Variants in LARS2 observed in about 807,000 individuals in gnomAD.
The protein encoded by LARS2 is leucyl-tRNA synthetase 2, mitochondrial.
LARS2 carries 81 observed loss-of-function variants against 116.6 expected under a neutral mutation model. That is an observed-to-expected ratio of 0.69 (90% CI 0.58 to 0.84). LARS2 has a LOEUF of 0.84. Among genes scored for constraint, LARS2 ranks in the 40% least tolerant of loss-of-function variants. The pLI, the probability that LARS2 is intolerant of heterozygous loss-of-function variation, is 0.00. For missense variants in LARS2, 968 were observed against 1,114.5 expected (o/e 0.87, Z 1.87); for synonymous variants, 396 against 407.2 (o/e 0.97, Z 0.33).
intron 12 of LARS2, among the ~76,000 whole-genome samples, chr3:45,489,386 C>G (rs549269090): frequency 6.6e-6 from 1 of 152,262 alleles, no homozygotes; most frequent in South Asian, 2.1e-4. Context: ...GATTCTCAAA[C>G]TTGAGCACAC....
At chr3:45,533,458 T>C (rs190825251) in intron 20 of LARS2, among the ~76,000 whole-genome samples, 1 of 152,324 alleles carries the variant, frequency 6.6e-6, no homozygotes, top group East Asian at 1.9e-4. Flanking sequence ...ACATTAAGTC[T>C]TTTAAGTAGC....
chr3:45,506,323 G>A (rs1559491402), intron 15 of LARS2, among the ~76,000 whole-genome samples: 1 of 152,056 alleles, frequency 6.6e-6, no homozygotes, highest in Non-Finnish European at 1.5e-5. Flanking sequence ...TCTTAGAGGT[G>A]TATTGGTAAA....
intron 6 of LARS2, among the ~76,000 whole-genome samples, chr3:45,420,337 C>A (rs1698495248): frequency 6.6e-6 from 1 of 152,200 alleles, no homozygotes. Context: ...AAGGCCCACC[C>A]TTTAGACTTT....
chr3:45,470,076 A>T (rs1265655674), intron 8 of LARS2, among the ~76,000 whole-genome samples: 1 of 152,166 alleles, frequency 6.6e-6, no homozygotes, highest in East Asian at 1.9e-4. Context: ...CACTTGTTTT[A>T]CAGGGTCTGT....
intron 16 of LARS2, among the ~76,000 whole-genome samples, chr3:45,515,477 G>A (rs1372658818): frequency 6.6e-6 from 1 of 152,194 alleles, no homozygotes; most frequent in African/African-American, 2.4e-5. Context: ...TTGGCAACAA[G>A]GTCACCTCAT....
At chr3:45,526,593 G>A (rs983704990) in intron 20 of LARS2, among the ~76,000 whole-genome samples, 1 of 152,050 alleles carries the variant, frequency 6.6e-6, no homozygotes, top group African/African-American at 2.4e-5. Flanking sequence ...GCAGTTCTCA[G>A]GAACACAAGA....
At chr3:45,466,757 C>T (rs1382983042) in intron 8 of LARS2, among the ~76,000 whole-genome samples, 2 of 152,122 alleles carry the variant, frequency 1.3e-5, no homozygotes, top group Admixed American at 6.5e-5. Flanking sequence ...CACTCTGTCT[C>T]CCAGGCTGGA....
At chr3:45,516,069 A>T (rs776833550) in intron 16 of LARS2, 25 bp from the exon 17 acceptor site, 147 of 1,600,912 alleles carry the variant, frequency 9.2e-5, no homozygotes, top group Non-Finnish European at 1.1e-4. Flanking sequence ...CACATACCAT[A>T]CCTATGGATT....
intron 6 of LARS2, among the ~76,000 whole-genome samples, chr3:45,442,621 A>T (rs1025272206): frequency 6.6e-6 from 1 of 152,136 alleles, no homozygotes; most frequent in Non-Finnish European, 1.5e-5. Flanking sequence ...CCCAGACTTG[A>T]CATGTCTCTC....
Position 45,517,950 on chromosome 3 carries a change from T to G in LARS2, c.2092T>G (p.Leu698Val), listed in dbSNP as rs1218340010. The stretch of plus-strand genomic sequence containing the variant: ...GAGATGGCAACAACGACTGTGGACC[T>G]TGACAACTCGGTTTATTGAGGCCAG... ...VLRWQQRLWT[L>V]TTRFIEARAS... The change falls in exon 18 of 22, where the codon TTG (leucine) becomes GTG (valine). Residue 698 changes from leucine to valine, a missense_variant. Physicochemically the swap from Leu to Val is conservative, Grantham distance 32. Coordinates refer to ENST00000645846, the MANE Select transcript of LARS2 (RefSeq NM_015340.4). The G allele has an allele frequency of 1.2e-5, 20 of 1,614,140 alleles. No homozygotes were observed. The highest frequency in any genetic ancestry group is 1.7e-5 in the Non-Finnish European group (20 of 1,179,982).
chr3:45,517,860 T>C (rs749349369), intron 17 of LARS2, 43 bp from the exon 18 acceptor site: 2 of 1,542,594 alleles, frequency 1.3e-6, no homozygotes, highest in Non-Finnish European at 1.8e-6. Context: ...ATCACCCTTA[T>C]GTTGCACGCT....
chr3:45,542,685 G>A (rs563322039), intron 21 of LARS2, among the ~76,000 whole-genome samples: 1 of 152,304 alleles, frequency 6.6e-6, no homozygotes, highest in Admixed American at 6.5e-5. Flanking sequence ...CCTATAACGT[G>A]GGCGTTGCCA....
intron 4 of LARS2, among the ~76,000 whole-genome samples, chr3:45,409,354 G>A (rs1486935468): frequency 6.6e-6 from 1 of 152,160 alleles, no homozygotes; most frequent in Non-Finnish European, 1.5e-5. Context: ...GGAGAGTTTG[G>A]AGTTCTTCCC....
At chr3:45,516,595 A>G (rs1320412708) in intron 17 of LARS2, among the ~76,000 whole-genome samples, 1 of 152,002 alleles carries the variant, frequency 6.6e-6, no homozygotes, top group East Asian at 1.9e-4. Context: ...TCCAGTGCAC[A>G]CTCTACGAGG....
intron 16 of LARS2, among the ~76,000 whole-genome samples, chr3:45,514,363 T>C (rs548554953): frequency 6.6e-6 from 1 of 152,264 alleles, no homozygotes; most frequent in East Asian, 1.9e-4. Flanking sequence ...GTAGGCAGCC[T>C]CTCCAGCCAA....
chr3:45,460,578 C>T (rs1699299802), intron 8 of LARS2, among the ~76,000 whole-genome samples: 1 of 152,192 alleles, frequency 6.6e-6, no homozygotes, highest in Non-Finnish European at 1.5e-5. Context: ...CTGGTTCTTG[C>T]TGAACTCCTG....
intron 11 of LARS2, among the ~76,000 whole-genome samples, chr3:45,488,153 G>T (rs1699847408): frequency 6.6e-6 from 1 of 152,074 alleles, no homozygotes; most frequent in Non-Finnish European, 1.5e-5. Context: ...AAAAAAATAG[G>T]CTGGACACAG....
rs772469359 is a variant in LARS2 at position 45,541,820 on chromosome 3, G to T, written c.2405-9G>T. The stretch of plus-strand genomic sequence containing the variant: ...AGTGACCCCACGCTTCTGTGCCTCG[G>T]CATTGCAGGCCTGGCGCTGGTGCCG... On this transcript the variant is annotated splice_polypyrimidine_tract_variant and intron_variant, in intron 20 of 21. Transcript: ENST00000645846. 6.2e-7 allele frequency: 1 copy of T among 1,613,960 alleles called. No individual in the cohort carries two copies. Among genetic ancestry groups the T allele is most frequent in the Admixed American group, 1.7e-5 (1 of 60,002 alleles).
chr3:45,400,870 G>C (rs1698134625), intron 4 of LARS2, among the ~76,000 whole-genome samples: 1 of 151,838 alleles, frequency 6.6e-6, no homozygotes, highest in South Asian at 2.1e-4. Context: ...CTGGAGTGCA[G>C]TGACGCAGTC....
Sources: gnomAD v4.1 joint callset for allele counts (sites outside exome capture counted in the v4.1 genomes callset) on GRCh38, gnomAD v4.1.1 for gene constraint, MANE v1.5 for transcripts, NCBI Gene and HGNC (gene_info 2026-07-23, HGNC 2026-07-21) for gene names.